Variants in INVS observed in about 807,000 individuals in gnomAD.
INVS encodes the protein inversion of embryo turning homolog.
Under a neutral mutation model 108.8 loss-of-function variants are expected in INVS, and 86 were observed. That is an observed-to-expected ratio of 0.79 (90% CI 0.66 to 0.95). The LOEUF is 0.95. INVS is among the 40% of genes least tolerant of loss of function. The pLI is 0.00. For synonymous variants in INVS, 455 were observed against 473.5 expected (o/e 0.96, Z 0.51); for missense variants, 1,169 against 1,297.4 (o/e 0.90, Z 1.52).
chr9:100,104,407 A>G, intron 1 of INVS, 91 bp from the exon 2 acceptor site: 1 of 731,496 alleles, frequency 1.4e-6, no homozygotes, highest in Admixed American at 2.0e-5. Context: ...ATTTCTAGTA[A>G]GCCATATTTA....
chr9:100,119,389 T>A (rs1588014326), intron 2 of INVS, among the ~76,000 whole-genome samples: 1 of 152,242 alleles, frequency 6.6e-6, no homozygotes, highest in East Asian at 1.9e-4. Flanking sequence ...TAACACAAAC[T>A]TAGCTTACAA....
At chr9:100,139,195 C>T (rs1828339579) in intron 3 of INVS, among the ~76,000 whole-genome samples, 1 of 152,200 alleles carries the variant, frequency 6.6e-6, no homozygotes, top group Admixed American at 6.5e-5. Context: ...ACTCTTTTCT[C>T]AGTTCTCGTA....
intron 2 of INVS, among the ~76,000 whole-genome samples, chr9:100,115,300 T>A (rs1040931211): frequency 2.4e-4 from 36 of 150,210 alleles, no homozygotes; most frequent in Non-Finnish European, 4.6e-4. Context: ...TATTTTTATT[T>A]TATATATATA....
chr9:100,174,956 T>C (rs1047241478), intron 3 of INVS, among the ~76,000 whole-genome samples: 28 of 151,974 alleles, frequency 1.8e-4, no homozygotes, highest in Non-Finnish European at 1.9e-4. Flanking sequence ...ATCAAATTGC[T>C]GAAAACCAAA....
At chr9:100,191,936 G>A (rs747665982) in intron 3 of INVS, among the ~76,000 whole-genome samples, 31 of 151,924 alleles carry the variant, frequency 2.0e-4, no homozygotes, top group Non-Finnish European at 4.1e-4. Context: ...GATGATTTCC[G>A]GTGTGAAGAC....
intron 10 of INVS, 69 bp downstream of exon 10, chr9:100,253,205 A>G: frequency 8.8e-6 from 11 of 1,248,822 alleles, no homozygotes; most frequent in Non-Finnish European, 1.3e-5. Context: ...TGTTGTAAAC[A>G]TAAGTAAAAC....
intron 3 of INVS, among the ~76,000 whole-genome samples, chr9:100,160,319 G>A (rs528986946): frequency 8.5e-5 from 13 of 152,152 alleles, no homozygotes; most frequent in Non-Finnish European, 1.5e-4. Context: ...TGTACACCTC[G>A]TACAACCCTA....
At position 100,242,605 on chromosome 9, in the gene INVS, A is replaced by G; in HGVS notation, c.832A>G (p.Asn278Asp). 1 of 1,611,808 alleles carries G rather than the reference A, an allele frequency of 6.2e-7. No homozygotes were observed. The highest frequency in any genetic ancestry group is 1.1e-5 in the South Asian group (1 of 90,998). The change falls in exon 7 of 17, where the codon AAT becomes GAT. Residue 278 changes from asparagine to aspartate, a missense_variant. Physicochemically the swap from Asn to Asp is conservative, Grantham distance 23 (BLOSUM62 1). Coordinates refer to ENST00000262457, the MANE Select transcript of INVS (RefSeq NM_014425.5). ...AQIVHLLLER[N>D]KSGTIPSDSQ... ...GATTGTCCATCTCCTTTTAGAAAGA[A>G]ATAAGTCTGGAACTATCCCATCTGA...
rs571412067 is a variant in INVS, at chr9:100,147,429, C to T, written c.273+20880C>T. On this transcript the variant is annotated intron_variant, in intron 3 of 16. Coordinates refer to ENST00000262457, the MANE Select transcript of INVS (RefSeq NM_014425.5). ...GCATATGAAAATATGTTCAAATATA[C>T]GTATAAAAGTCATGCAGATTAAAAC... Among the ~76,000 whole-genome samples the T allele has an allele frequency of 1.4e-3, 212 of 152,236 alleles. 1 individual carries two copies. The highest frequency in any genetic ancestry group is 2.3e-3 in the Non-Finnish European group (159 of 68,016).
chr9:100,150,109 T>A (rs1008827895), intron 3 of INVS, among the ~76,000 whole-genome samples: 14 of 152,212 alleles, frequency 9.2e-5, no homozygotes, highest in African/African-American at 3.4e-4. Context: ...TTCTTTCTCA[T>A]AGGTCAGATT....
chr9:100,212,970 G>A (rs375682584), intron 3 of INVS, among the ~76,000 whole-genome samples: 2 of 152,152 alleles, frequency 1.3e-5, no homozygotes, highest in East Asian at 3.9e-4. Flanking sequence ...GAGAGTCCAA[G>A]ATCAAGGCAC....
Position 100,297,138 on chromosome 9 carries a change from A to C in INVS, c.3008A>C (p.Gln1003Pro), listed in dbSNP as rs1833814499. 1 of 1,613,500 alleles carries C rather than the reference A, an allele frequency of 6.2e-7. No homozygotes were observed. The highest frequency in any genetic ancestry group is 8.5e-7 in the Non-Finnish European group (1 of 1,179,466). The change falls in exon 15 of 17, where the codon CAA becomes CCA. Residue 1003 changes from glutamine to proline, a missense_variant. Physicochemically the swap from Gln to Pro is moderately conservative, Grantham distance 76 (BLOSUM62 -1). Coordinates refer to ENST00000262457, the MANE Select transcript of INVS (RefSeq NM_014425.5). ...TKSTKHSVLKQIYGCSHEGKI... is the reference protein window; with the variant it reads ...TKSTKHSVLKPIYGCSHEGKI... ...TCCACCAAGCACTCAGTGCTTAAGC[A>C]AATCTATGGTAACTGTCCTTCTGCC...
chr9:100,205,877 A>G (rs1830661097), intron 3 of INVS, among the ~76,000 whole-genome samples: 1 of 152,104 alleles, frequency 6.6e-6, no homozygotes, highest in Non-Finnish European at 1.5e-5. Flanking sequence ...AATTGTGATG[A>G]TAGAACATGT....
chr9:100,236,151 CT>C (rs1164348663), intron 5 of INVS, among the ~76,000 whole-genome samples: 1 of 152,158 alleles, frequency 6.6e-6, no homozygotes, highest in African/African-American at 2.4e-5. Context: ...ATCGATCCGG[CT>C]GTTGATACTT....
At chr9:100,224,923 C>T (rs1249562193) in intron 3 of INVS, among the ~76,000 whole-genome samples, 1 of 151,442 alleles carries the variant, frequency 6.6e-6, no homozygotes, top group Non-Finnish European at 1.5e-5. Context: ...CTGCTTCTTT[C>T]TTGAGGTGGG....
intron 3 of INVS, 151 bp downstream of exon 3, chr9:100,126,700 C>A: frequency 1.3e-6 from 1 of 781,428 alleles, no homozygotes. Flanking sequence ...CTTTAAGCTG[C>A]AGAGAGTAAA....
At chr9:100,186,938 A>G (rs10989004) in intron 3 of INVS, among the ~76,000 whole-genome samples, 29,324 of 151,808 alleles carry the variant, frequency 0.19, 4,514 homozygotes, top group African/African-American at 0.43. Context: ...TGCCTAGACT[A>G]TTGTCTGGAA....
At position 100,297,072 on chromosome 9, in the gene INVS, A is replaced by G; in HGVS notation, c.2942A>G (p.Lys981Arg). The change falls in exon 15 of 17, where the codon AAG (lysine) becomes AGG (arginine). Residue 981 changes from lysine to arginine, a missense_variant. Lys to Arg is a conservative substitution (Grantham distance 26). Coordinates refer to ENST00000262457, the MANE Select transcript of INVS (RefSeq NM_014425.5). The part of the protein sequence containing the change: ...LKFPQTTAVS[K>R]APKSPSKGTS... ...TTCCCCCAAACCACTGCAGTAAGCA[A>G]GGCCCCCAAGAGTCCATCCAAGGGC... 6.2e-7 allele frequency: 1 copy of G among 1,614,090 alleles called. No individual in the cohort carries two copies. Among genetic ancestry groups the G allele is most frequent in the Non-Finnish European group, 8.5e-7 (1 of 1,180,006 alleles).
At chr9:100,101,892 T>C (rs888625822) in intron 1 of INVS, 2 of 152,184 alleles carry the variant, frequency 1.3e-5, no homozygotes, top group African/African-American at 4.8e-5. Flanking sequence ...ACCTCTCTGG[T>C]CCTTGTAGGC....
Sources: allele counts gnomAD v4.1 joint callset (sites outside exome capture counted in the v4.1 genomes callset), GRCh38; gene constraint gnomAD v4.1.1; transcripts MANE v1.5; gene names NCBI Gene and HGNC (gene_info 2026-07-23, HGNC 2026-07-21).